Variants in GRB10 observed in about 807,000 individuals in gnomAD.
GRB10 encodes growth factor receptor bound protein 10.
GRB10 carries 20 observed loss-of-function variants against 80.9 expected under a neutral mutation model. The observed-to-expected ratio is 0.25, with a 90% CI of 0.17 to 0.36. GRB10 has a LOEUF of 0.36. Ranked by LOEUF, GRB10 falls within the 10% of genes least tolerant of loss-of-function variation. The pLI is 1.00. For synonymous variants in GRB10, 291 were observed against 291.5 expected (o/e 1.00, Z 0.02); for missense variants, 548 against 747.7 (o/e 0.73, Z 3.12).
At chr7:50,792,712 T>TACCGGACG (rs1390179677) in intron 1 of GRB10, 3 of 350,306 alleles carry the variant, frequency 8.6e-6, no homozygotes, top group Non-Finnish European at 1.5e-5. Flanking sequence ...GGCACCACTG[T>TACCGGACG]CCCGGACGCC....
chr7:50,769,325 G>A (rs2076726086), intron 2 of GRB10, among the ~76,000 whole-genome samples: 1 of 152,172 alleles, frequency 6.6e-6, no homozygotes, highest in Non-Finnish European at 1.5e-5. Flanking sequence ...TAAGTAGTCA[G>A]GAATCTGACC....
intron 1 of GRB10, among the ~76,000 whole-genome samples, chr7:50,789,434 G>A (rs566786100): frequency 6.6e-6 from 1 of 152,306 alleles, no homozygotes; most frequent in South Asian, 2.1e-4. Context: ...ACACGCCTAT[G>A]GCTTCCATTT....
chr7:50,709,874 G>A (rs756317366), intron 4 of GRB10, among the ~76,000 whole-genome samples: 82 of 152,182 alleles, frequency 5.4e-4, no homozygotes, highest in Non-Finnish European at 9.7e-4. Context: ...GGGGGACCCA[G>A]GTGTCTATGT....
intron 6 of GRB10, among the ~76,000 whole-genome samples, chr7:50,673,513 C>T (rs1222347501): frequency 6.6e-6 from 1 of 152,128 alleles, no homozygotes; most frequent in Admixed American, 6.5e-5. Flanking sequence ...TCCTCACAGC[C>T]CTGGCAAAAT....
At chr7:50,767,591 T>C (rs1403514055) in intron 2 of GRB10, among the ~76,000 whole-genome samples, 10 of 152,188 alleles carry the variant, frequency 6.6e-5, no homozygotes, top group Admixed American at 6.5e-4. Context: ...AGTCACAGTA[T>C]GGCAGCCCCC....
chr7:50,773,330 AGAAAGGGGAAGG>A (rs1291990340), intron 2 of GRB10, among the ~76,000 whole-genome samples: 3 of 145,622 alleles, frequency 2.1e-5, no homozygotes, highest in African/African-American at 7.5e-5. Context: ...CTATAAGGAA[AGAAAGGGGAAGG>A]GGAAGGGGAA....
chr7:50,756,544 G>T (rs1562628933), intron 2 of GRB10, among the ~76,000 whole-genome samples: 1 of 152,238 alleles, frequency 6.6e-6, no homozygotes, highest in Admixed American at 6.5e-5. Context: ...TCTGCATGGA[G>T]CACATGTGTT....
At chr7:50,616,571 T>G (rs2050679821) in intron 10 of GRB10, among the ~76,000 whole-genome samples, 2 of 152,232 alleles carry the variant, frequency 1.3e-5, no homozygotes, top group Non-Finnish European at 1.5e-5. Context: ...TTTCCAACAC[T>G]GGTGATAACA....
At chr7:50,713,516 C>A (rs1395666460) in intron 4 of GRB10, among the ~76,000 whole-genome samples, 1 of 151,414 alleles carries the variant, frequency 6.6e-6, no homozygotes, top group African/African-American at 2.4e-5. Context: ...TCTACTATCT[C>A]CACCATCACC....
intron 2 of GRB10, among the ~76,000 whole-genome samples, 169 bp from the exon 3 acceptor site, chr7:50,756,225 A>G (rs1224823681): frequency 6.6e-6 from 1 of 152,204 alleles, no homozygotes; most frequent in Non-Finnish European, 1.5e-5. Context: ...ACTAAGTAAG[A>G]TGTAGGTTTC....
intron 7 of GRB10, 62 bp from the exon 8 acceptor site, chr7:50,627,040 T>G (rs564885926): frequency 6.5e-6 from 10 of 1,542,884 alleles, no homozygotes; most frequent in Admixed American, 1.7e-5. Context: ...AAATAAAAAC[T>G]GAAACAAAAG....
Position 50,619,190 on chromosome 7 carries a change from C to G in GRB10, c.757G>C (p.Glu253Gln). 13 of 1,605,150 alleles carry G rather than the reference C, an allele frequency of 8.1e-6. No homozygotes were observed. The highest frequency in any genetic ancestry group is 1.1e-5 in the Non-Finnish European group (13 of 1,171,782). Residue 253 changes from glutamate to glutamine, a missense_variant, in exon 9 of 19, where the codon GAG becomes CAG. By Grantham distance (29) the Glu-to-Gln change is conservative. Around this residue, in one of 4 missense-constraint regions of GRB10, gnomAD observed 270 missense variants for 433.6 expected, o/e 0.62. Transcript: ENST00000401949. ...CTCACCATGGGATTTTTAAAGAACT[C>G]GTATTTTGCGTAATTCTTCCTGAAT... ...FLFRKNYAKYEFFKNPMNFFP... is the reference protein window; with the variant it reads ...FLFRKNYAKYQFFKNPMNFFP...
At position 50,757,446 on chromosome 7, in the gene GRB10, G is replaced by A. The variant is rs114706553; in HGVS notation, c.-216-1390C>T. 9.7e-3 allele frequency among the ~76,000 whole-genome samples: 1,482 copies of A among 152,328 alleles called. 30 individuals are homozygous for A. The highest frequency in any genetic ancestry group is 0.032 in the African/African-American group (1,344 of 41,568). On this transcript the variant is annotated intron_variant, in intron 2 of 18. Coordinates refer to ENST00000401949, the MANE Select transcript of GRB10 (RefSeq NM_001350814.2). ...AACACACCAGCCACCTGCAAGCTAT[G>A]AAGCTTGCTAATGTTTAAAGGGGAT...
chr7:50,700,943 T>C (rs747500947), intron 5 of GRB10, among the ~76,000 whole-genome samples: 2 of 152,238 alleles, frequency 1.3e-5, no homozygotes, highest in Admixed American at 1.3e-4. Flanking sequence ...TAGAGGGAGC[T>C]ATGTGTGTCT....
In GRB10 at chr7:50,623,822, T is replaced by C. The variant is rs182931507; in HGVS notation, c.661+3000A>G. Among the ~76,000 whole-genome samples the C allele has an allele frequency of 1.2e-3, 177 of 151,940 alleles. 5 individuals carry two copies. The East Asian group carries it at 0.031, about 26-fold the overall frequency. On this transcript the variant is annotated intron_variant, in intron 8 of 18. Transcript: ENST00000401949. The stretch of plus-strand genomic sequence containing the variant: ...GCCTGGGACCAGAAGCTTTGGTTTT[T>C]GGATTTTTTTTCAAATTTTGGAACA...
chr7:50,777,940 G>A (rs1433716048), intron 2 of GRB10, among the ~76,000 whole-genome samples: 2 of 152,026 alleles, frequency 1.3e-5, no homozygotes, highest in Non-Finnish European at 2.9e-5. Flanking sequence ...CTGAGGGGAG[G>A]GAAAACATCA....
chr7:50,655,390 G>C (rs1470429200), intron 7 of GRB10, among the ~76,000 whole-genome samples: 1 of 152,104 alleles, frequency 6.6e-6, no homozygotes, highest in Non-Finnish European at 1.5e-5. Flanking sequence ...AGGCAGCCCT[G>C]GCTCCTTTTA....
intron 10 of GRB10, among the ~76,000 whole-genome samples, chr7:50,617,506 T>C (rs2050869991): frequency 6.6e-6 from 1 of 152,158 alleles, no homozygotes; most frequent in South Asian, 2.1e-4. Flanking sequence ...ACAGAGGCCC[T>C]GGTGGCTCCC....
chr7:50,749,652 A>G (rs780584848), intron 3 of GRB10, among the ~76,000 whole-genome samples: 1 of 152,218 alleles, frequency 6.6e-6, no homozygotes, highest in Non-Finnish European at 1.5e-5. Flanking sequence ...AAACACTGCA[A>G]TAACTAGGTA....
Sources: allele counts gnomAD v4.1 joint callset (sites outside exome capture counted in the v4.1 genomes callset), GRCh38; gene constraint gnomAD v4.1.1; regional missense constraint gnomAD v4.1.1; transcripts MANE v1.5; gene names NCBI Gene and HGNC (gene_info 2026-07-23, HGNC 2026-07-21).